Variants in PDE1C observed in about 807,000 individuals in gnomAD.
The protein encoded by PDE1C is phosphodiesterase 1C, also known as dual specificity calcium/calmodulin-dependent 3',5'-cyclic nucleotide phosphodiesterase 1C.
PDE1C carries 62 observed loss-of-function variants against 93.1 expected under a neutral mutation model. The observed-to-expected ratio is 0.67, with a 90% confidence interval of 0.54 to 0.82. PDE1C has a LOEUF of 0.82. Among genes scored for constraint, PDE1C ranks in the 40% least tolerant of loss-of-function variants. The probability of loss-of-function intolerance (pLI) is 0.00; values close to 1 mark genes in which losing one functional copy is unlikely to be tolerated. For missense variants in PDE1C, 742 were observed against 884.6 expected (o/e 0.84, Z 2.04); for synonymous variants, 325 against 310.1 (o/e 1.05, Z -0.50).
chr7:32,300,069 G>T (rs1247323772), upstream of PDE1C, among the ~76,000 whole-genome samples: 1 of 151,972 alleles, frequency 6.6e-6, no homozygotes, highest in South Asian at 2.1e-4. Flanking sequence ...CATATCTTCA[G>T]AATCTAATGA....
intron 2 of PDE1C, among the ~76,000 whole-genome samples, chr7:32,172,361 A>C (rs111727827): frequency 0.16 from 24,467 of 151,982 alleles, 2,102 homozygotes; most frequent in East Asian, 0.26. Flanking sequence ...AACAAACAAC[A>C]CCATCAAAAA....
At chr7:32,395,198 T>C (rs2128093865) in intron 1 of PDE1C, among the ~76,000 whole-genome samples, 1 of 152,184 alleles carries the variant, frequency 6.6e-6, no homozygotes, top group East Asian at 1.9e-4. Flanking sequence ...AATACAAAGA[T>C]GGGGAGAAAC....
At chr7:31,659,641 T>C in the PDE1C span, among the ~76,000 whole-genome samples, 1 of 152,234 alleles carries the variant, frequency 6.6e-6, no homozygotes, top group Non-Finnish European at 1.5e-5. Context: ...CCATACATTT[T>C]GCTTTCTCTG....
the PDE1C span, among the ~76,000 whole-genome samples, chr7:31,741,907 TTC>T: frequency 6.6e-6 from 1 of 152,202 alleles, no homozygotes; most frequent in African/African-American, 2.4e-5. Flanking sequence ...AGTTAACAAC[TTC>T]TGTTTTCACA....
At chr7:31,857,709 C>A (rs994097984) in intron 7 of PDE1C, among the ~76,000 whole-genome samples, 3 of 152,038 alleles carry the variant, frequency 2.0e-5, no homozygotes, top group Admixed American at 6.6e-5. Context: ...AAATATGTTC[C>A]AACAACCAAA....
At chr7:32,375,959 C>G (rs559977583) in intron 1 of PDE1C, among the ~76,000 whole-genome samples, 1 of 152,252 alleles carries the variant, frequency 6.6e-6, no homozygotes, top group East Asian at 1.9e-4. Flanking sequence ...GAGTTTGAGA[C>G]CAGCCTGGCC....
At chr7:32,161,265 G>A (rs1315197048) in intron 3 of PDE1C, among the ~76,000 whole-genome samples, 1 of 152,130 alleles carries the variant, frequency 6.6e-6, no homozygotes, top group Non-Finnish European at 1.5e-5. Flanking sequence ...CAGTGGTAGT[G>A]TCCAGACAGC....
At chr7:31,662,286 A>G in the PDE1C span, among the ~76,000 whole-genome samples, 2 of 152,348 alleles carry the variant, frequency 1.3e-5, no homozygotes, top group East Asian at 3.9e-4. Flanking sequence ...AGATTATTCT[A>G]AAGTGATGAG....
chr7:31,631,627 TTGAC>T, the PDE1C span, among the ~76,000 whole-genome samples: 2 of 152,126 alleles, frequency 1.3e-5, no homozygotes, highest in Non-Finnish European at 2.9e-5. Flanking sequence ...GAAGGTTATT[TTGAC>T]TGAAGAACAA....
At chr7:31,651,171 G>GTTTCCGGGAGTATTT in the PDE1C span, 1 of 1,613,530 alleles carries the variant, frequency 6.2e-7, no homozygotes, top group South Asian at 1.1e-5. Flanking sequence ...AAGCCATGAA[G>GTTTCCGGGAGTATTT]ACGATATGCC....
At chr7:32,151,068 C>T (rs574920120) in intron 3 of PDE1C, among the ~76,000 whole-genome samples, 23 of 152,218 alleles carry the variant, frequency 1.5e-4, no homozygotes, top group African/African-American at 5.3e-4. Flanking sequence ...TGTAAGAAAT[C>T]CTAAAAACAT....
chr7:32,108,984 G>C (rs1042762838), intron 3 of PDE1C, among the ~76,000 whole-genome samples: 5 of 152,074 alleles, frequency 3.3e-5, no homozygotes, highest in African/African-American at 1.2e-4. Flanking sequence ...CAGGACTTCA[G>C]GTAAAATAAG....
chr7:32,299,436 A>G, upstream of PDE1C: 1 of 984,906 alleles, frequency 1.0e-6, no homozygotes, highest in Non-Finnish European at 1.2e-6. Flanking sequence ...TAATTGTCAA[A>G]GTCACCGGAG....
chr7:32,122,942 T>G (rs1056797907), intron 3 of PDE1C, among the ~76,000 whole-genome samples: 1 of 151,558 alleles, frequency 6.6e-6, no homozygotes, highest in Non-Finnish European at 1.5e-5. Flanking sequence ...TTTTAAGAAA[T>G]TAACAAAATA....
intron 16 of PDE1C, chr7:31,786,432 G>A (rs145378390): frequency 6.6e-6 from 1 of 152,188 alleles, no homozygotes; most frequent in East Asian, 1.9e-4. Context: ...GTGTGAGTAG[G>A]GTATGCCTGC....
At chr7:32,306,266 T>C (rs1478151687) in intron 1 of PDE1C, among the ~76,000 whole-genome samples, 1 of 152,116 alleles carries the variant, frequency 6.6e-6, no homozygotes, top group African/African-American at 2.4e-5. Context: ...ATACCGTAAA[T>C]TGGGTTCCTG....
chr7:32,100,999 T>C (rs1798008621), intron 3 of PDE1C, among the ~76,000 whole-genome samples: 1 of 152,154 alleles, frequency 6.6e-6, no homozygotes, highest in South Asian at 2.1e-4. Context: ...TCACCTTTGA[T>C]GTCACTTCCC....
intron 17 of PDE1C, among the ~76,000 whole-genome samples, chr7:31,772,284 C>T (rs1259295889): frequency 6.6e-6 from 1 of 152,170 alleles, no homozygotes; most frequent in African/African-American, 2.4e-5. Context: ...CCAACAGCTT[C>T]CTGTTAATAT....
chr7:32,183,433 G>T (rs1419595870), intron 2 of PDE1C, among the ~76,000 whole-genome samples: 1 of 152,078 alleles, frequency 6.6e-6, no homozygotes, highest in East Asian at 1.9e-4. Flanking sequence ...AAACAGCATG[G>T]TACTGGTACC....
Sources: gnomAD v4.1 joint callset for allele counts (sites outside exome capture counted in the v4.1 genomes callset) on GRCh38, gnomAD v4.1.1 for gene constraint, MANE v1.5 for transcripts, NCBI Gene and HGNC (gene_info 2026-07-23, HGNC 2026-07-21) for gene names.